The following DPYD variants were observed in gnomAD, a reference collection of about 807,000 sequenced individuals.
DPYD encodes dihydropyrimidine dehydrogenase.
In DPYD, 109 loss-of-function variants were observed where a neutral mutation model predicts 116.2. The ratio of observed to expected loss-of-function variants is 0.94; its 90% CI spans 0.80 to 1.10. DPYD has a LOEUF of 1.10. Ranked by LOEUF, DPYD falls within the 50% of genes least tolerant of loss-of-function variation. The probability of loss-of-function intolerance (pLI) is 0.00; values close to 1 mark genes in which losing one functional copy is unlikely to be tolerated. For missense variants in DPYD, 1,302 were observed against 1,254.5 expected (o/e 1.04, Z -0.57); for synonymous variants, 440 against 432.0 (o/e 1.02, Z -0.23).
intron 5 of DPYD, among the ~76,000 whole-genome samples, chr1:97,711,152 A>C (rs1228172553): frequency 1.3e-5 from 2 of 151,822 alleles, no homozygotes; most frequent in Non-Finnish European, 3.0e-5. Context: ...TTTCTATACA[A>C]AGGAACTGAC....
intron 13 of DPYD, among the ~76,000 whole-genome samples, chr1:97,460,899 T>TG (rs940282951): frequency 6.6e-6 from 1 of 151,992 alleles, no homozygotes; most frequent in African/African-American, 2.4e-5. Flanking sequence ...CAGCCAGGCA[T>TG]GGTGGCAGGC....
intron 13 of DPYD, among the ~76,000 whole-genome samples, chr1:97,476,149 C>T (rs1322769843): frequency 6.6e-6 from 1 of 152,144 alleles, no homozygotes; most frequent in Non-Finnish European, 1.5e-5. Flanking sequence ...TCTGGGGACA[C>T]TGAAAGTGGT....
chr1:97,583,219 C>A (rs1276891035), intron 10 of DPYD, among the ~76,000 whole-genome samples: 1 of 152,024 alleles, frequency 6.6e-6, no homozygotes, highest in Non-Finnish European at 1.5e-5. Flanking sequence ...TCCACCCGCC[C>A]CGGCTTCCCA....
intron 20 of DPYD, among the ~76,000 whole-genome samples, chr1:97,181,845 C>G (rs903973512): frequency 6.6e-6 from 1 of 152,130 alleles, no homozygotes; most frequent in African/African-American, 2.4e-5. Context: ...GTATTGATTG[C>G]TTACAACTAC....
At chr1:97,687,014 T>C (rs1342950447) in intron 7 of DPYD, among the ~76,000 whole-genome samples, 1 of 152,256 alleles carries the variant, frequency 6.6e-6, no homozygotes, top group African/African-American at 2.4e-5. Flanking sequence ...CTCATGTCTG[T>C]AATCCCAGCA....
chr1:97,452,750 C>T (rs3897854), intron 13 of DPYD, among the ~76,000 whole-genome samples: 62,519 of 151,726 alleles, frequency 0.41, 13,199 homozygotes, highest in Middle Eastern at 0.53. Flanking sequence ...TCTCTTGCTC[C>T]TGATTTGTCA....
At chr1:97,195,519 G>GGAGAGAGA (rs3050245) in intron 19 of DPYD, among the ~76,000 whole-genome samples, 7 of 75,022 alleles carry the variant, frequency 9.3e-5, no homozygotes, top group African/African-American at 3.6e-4. Flanking sequence ...AATGGGATAA[G>GGAGAGAGA]GAGAGAGAGA....
intron 20 of DPYD, among the ~76,000 whole-genome samples, chr1:97,164,958 T>C (rs2101753518): frequency 6.6e-6 from 1 of 152,078 alleles, no homozygotes; most frequent in South Asian, 2.1e-4. Context: ...TCCACCTGCC[T>C]AGGCCTCCCA....
At chr1:97,115,273 T>C (rs1241169777) in intron 20 of DPYD, among the ~76,000 whole-genome samples, 12 of 152,214 alleles carry the variant, frequency 7.9e-5, no homozygotes, top group Non-Finnish European at 1.8e-4. Flanking sequence ...TCTTATGGTA[T>C]TGCAACATTT....
chr1:97,290,438 C>G (rs1034406984), intron 18 of DPYD, among the ~76,000 whole-genome samples: 7 of 152,136 alleles, frequency 4.6e-5, no homozygotes, highest in African/African-American at 1.2e-4. Context: ...TCAAACTATA[C>G]TACAAGGCTA....
chr1:97,657,382 T>C (rs1658989289), intron 8 of DPYD, among the ~76,000 whole-genome samples: 1 of 152,206 alleles, frequency 6.6e-6, no homozygotes, highest in Non-Finnish European at 1.5e-5. Flanking sequence ...TTATAAAGAA[T>C]ATTAAAATTT....
chr1:97,276,042 A>T (rs939666295), intron 18 of DPYD, among the ~76,000 whole-genome samples: 4 of 152,076 alleles, frequency 2.6e-5, no homozygotes, highest in African/African-American at 7.2e-5. Context: ...TGTTTATGGC[A>T]TGAAGGTTCA....
intron 13 of DPYD, among the ~76,000 whole-genome samples, chr1:97,486,371 G>A (rs1042835629): frequency 4.9e-4 from 75 of 152,098 alleles, no homozygotes; most frequent in African/African-American, 1.5e-3. Flanking sequence ...AATAACAGAT[G>A]CACATTTTTG....
At chr1:97,428,338 C>T (rs532561333) in intron 14 of DPYD, among the ~76,000 whole-genome samples, 37 of 152,220 alleles carry the variant, frequency 2.4e-4, no homozygotes, top group African/African-American at 8.9e-4. Context: ...TACAGATTTC[C>T]TAATACATAA....
intron 2 of DPYD, among the ~76,000 whole-genome samples, chr1:97,877,046 G>A (rs184441559): frequency 2.6e-5 from 4 of 152,128 alleles, no homozygotes; most frequent in Non-Finnish European, 4.4e-5. Flanking sequence ...CAAATACCAG[G>A]TGTGGGTAAA....
At chr1:97,279,285 C>A (rs1665152801) in intron 18 of DPYD, among the ~76,000 whole-genome samples, 2 of 152,018 alleles carry the variant, frequency 1.3e-5, no homozygotes, top group African/African-American at 4.8e-5. Context: ...AAAATGATAA[C>A]TGACTTAGTA....
intron 3 of DPYD, among the ~76,000 whole-genome samples, chr1:97,822,421 A>G (rs1311450669): frequency 1.3e-5 from 2 of 148,404 alleles, no homozygotes; most frequent in Non-Finnish European, 3.0e-5. Context: ...TAATATATAC[A>G]TTTATATATA....
intron 13 of DPYD, among the ~76,000 whole-genome samples, chr1:97,506,031 T>C (rs773866403): frequency 3.9e-5 from 6 of 151,982 alleles, no homozygotes; most frequent in Non-Finnish European, 7.4e-5. Flanking sequence ...CTTGAGTTAG[T>C]GACACTTTAT....
intron 16 of DPYD, among the ~76,000 whole-genome samples, chr1:97,369,049 G>T (rs576504879): frequency 2.0e-5 from 3 of 152,264 alleles, no homozygotes; most frequent in East Asian, 3.9e-4. Context: ...CAGGATGGAA[G>T]TAAAATATGT....
Sources: allele counts gnomAD v4.1 joint callset (sites outside exome capture counted in the v4.1 genomes callset), GRCh38; gene constraint gnomAD v4.1.1; transcripts MANE v1.5; gene names NCBI Gene and HGNC (gene_info 2026-07-23, HGNC 2026-07-21).